The following TAF4 variants were observed in gnomAD, a reference collection of about 807,000 sequenced individuals.
TAF4 encodes TATA-box binding protein associated factor 4, also known as transcription initiation factor TFIID subunit 4.
In TAF4, 9 loss-of-function variants were observed where a neutral mutation model predicts 90.3. That is an observed-to-expected ratio of 0.10 (90% CI 0.06 to 0.17). The LOEUF is 0.17. Ranked by LOEUF, TAF4 falls within the 10% of genes least tolerant of loss-of-function variation. TAF4 has a pLI of 1.00. For missense variants in TAF4, 1,351 were observed against 1,370.7 expected (o/e 0.99, Z 0.23); for synonymous variants, 818 against 638.9 (o/e 1.28, Z -4.23).
intron 1 of TAF4, among the ~76,000 whole-genome samples, chr20:62,024,863 C>A (rs902491996): frequency 1.3e-4 from 19 of 151,462 alleles, no homozygotes; most frequent in African/African-American, 4.4e-4. Context: ...CTGAGAGACT[C>A]CGCGTCTCAA....
At chr20:62,009,913 A>G (rs1479660370) in intron 4 of TAF4, 133 bp downstream of exon 4, 3 of 1,431,712 alleles carry the variant, frequency 2.1e-6, no homozygotes, top group African/African-American at 1.4e-5. Flanking sequence ...TGGGCCCCAG[A>G]CTGTTCACTG....
chr20:61,976,539 C>T lies in TAF4; in HGVS notation c.3091-204G>A, dbSNP rs369480424. On this transcript the variant is annotated intron_variant, in intron 14 of 14. Coordinates refer to ENST00000252996, the MANE Select transcript of TAF4 (RefSeq NM_003185.4). ...CAAGGGCAGGAGGCCCCATGCTGCA[C>T]CTTCAGGACAGGGCACACTCAGATG... is the stretch of plus-strand genomic sequence containing the variant. Among the ~76,000 whole-genome samples the T allele has an allele frequency of 8.5e-5, 13 of 152,344 alleles. No individual in the cohort carries two copies. The East Asian group carries it at 1.7e-3, about 20-fold the overall frequency.
At chr20:62,049,294 G>C (rs1373843793) in intron 1 of TAF4, among the ~76,000 whole-genome samples, 1 of 152,166 alleles carries the variant, frequency 6.6e-6, no homozygotes, top group Non-Finnish European at 1.5e-5. Flanking sequence ...TGTCCAGGAA[G>C]TGGATCCCAA....
intron 14 of TAF4, among the ~76,000 whole-genome samples, chr20:61,986,349 C>T (rs1468489939): frequency 9.6e-6 from 1 of 103,964 alleles, no homozygotes; most frequent in Non-Finnish European, 2.1e-5. Flanking sequence ...GAAACACCAT[C>T]CCCAATCAAA....
intron 14 of TAF4, 96 bp downstream of exon 14, chr20:61,997,454 C>T (rs761909630): frequency 7.6e-7 from 1 of 1,319,226 alleles, no homozygotes; most frequent in Non-Finnish European, 9.8e-7. Flanking sequence ...GGTAAGAAAG[C>T]AAATTCCCCT....
At chr20:62,015,744 T>C (rs1215260438) in intron 1 of TAF4, among the ~76,000 whole-genome samples, 2 of 152,192 alleles carry the variant, frequency 1.3e-5, no homozygotes, top group Non-Finnish European at 2.9e-5. Context: ...AAACCTCCTG[T>C]TGGTCATGAT....
intron 14 of TAF4, among the ~76,000 whole-genome samples, chr20:61,990,258 G>A (rs573837638): frequency 3.3e-5 from 5 of 152,330 alleles, no homozygotes; most frequent in Admixed American, 6.5e-5. Context: ...AGCAGACAGC[G>A]TGATGCTCAT....
chr20:62,063,970 G>A (rs1035962880), intron 1 of TAF4, among the ~76,000 whole-genome samples: 2 of 152,250 alleles, frequency 1.3e-5, no homozygotes, highest in East Asian at 1.9e-4. Flanking sequence ...CCAAGGGGCA[G>A]AAAGGCTAAG....
At chr20:61,979,933 A>G (rs1340214377) in intron 14 of TAF4, among the ~76,000 whole-genome samples, 1 of 152,272 alleles carries the variant, frequency 6.6e-6, no homozygotes, top group Non-Finnish European at 1.5e-5. Flanking sequence ...GGCGCAAAAC[A>G]GAGCCTGGGA....
intron 1 of TAF4, among the ~76,000 whole-genome samples, chr20:62,063,052 G>A (rs2056098560): frequency 6.6e-6 from 1 of 152,118 alleles, no homozygotes; most frequent in Non-Finnish European, 1.5e-5. Context: ...GCAAAACCAA[G>A]CCTCTGGCAA....
In TAF4 at chr20:62,065,356, G is replaced by A; in HGVS notation, c.455C>T (p.Pro152Leu). Reference sequence around the variant, plus strand: ...GGGCTTGGCGGGGCCGGCGGGGGCGGGCTCGGGCCCCGCGGCGACGGCGGC... The same window carrying A: ...GGGCTTGGCGGGGCCGGCGGGGGCGAGCTCGGGCCCCGCGGCGACGGCGGC... ...AAAAVAAGPE[P>L]APAGPAKPAG... Residue 152 changes from proline (P) to leucine (L), a missense_variant, in exon 1 of 15, where the codon CCC becomes CTC. By Grantham distance (98) the Pro-to-Leu change is moderately conservative. Coordinates refer to ENST00000252996, the MANE Select transcript of TAF4 (RefSeq NM_003185.4). 1 of 970,868 alleles carries A rather than the reference G, an allele frequency of 1.0e-6. No individual in the cohort carries two copies. The allele number at this position is 970,868 out of a possible 1,614,324, so 60.1% of individuals were successfully genotyped here.
chr20:62,039,482 G>C (rs1285761512), intron 1 of TAF4, among the ~76,000 whole-genome samples: 2 of 152,164 alleles, frequency 1.3e-5, no homozygotes, highest in African/African-American at 2.4e-5. Context: ...AAGCATTCTA[G>C]AAAACTCCTG....
chr20:62,055,937 T>A (rs1287661364), intron 1 of TAF4, among the ~76,000 whole-genome samples: 1 of 152,104 alleles, frequency 6.6e-6, no homozygotes, highest in East Asian at 1.9e-4. Flanking sequence ...GTACACACCC[T>A]CGGAATGTGC....
At chr20:61,982,741 G>A (rs921968554) in intron 14 of TAF4, among the ~76,000 whole-genome samples, 1 of 138,370 alleles carries the variant, frequency 7.2e-6, no homozygotes, top group Admixed American at 7.6e-5. Context: ...AATGCACTGC[G>A]AGGGCCCAGT....
intron 14 of TAF4, among the ~76,000 whole-genome samples, chr20:61,991,011 C>T (rs2055628148): frequency 6.6e-6 from 1 of 152,058 alleles, no homozygotes. Context: ...GAAGAGCATC[C>T]CTACAGACCA....
rs1047477447 is a variant in TAF4 at position 61,976,008 on chromosome 20, G to T, written c.*160C>A. On this transcript the variant is annotated 3_prime_UTR_variant, in exon 15 of 15. Transcript: ENST00000252996. Reference sequence around the variant, plus strand: ...AGGCCTTTGTGTTCTCTCTGTTACAGAAACGTGTTTTCTTTCACACTGAAG... The same window carrying T: ...AGGCCTTTGTGTTCTCTCTGTTACATAAACGTGTTTTCTTTCACACTGAAG... The T allele has an allele frequency of 1.4e-6, 1 of 729,872 alleles. No individual in the cohort carries two copies. The highest frequency in any genetic ancestry group is 2.2e-6 in the Non-Finnish European group (1 of 449,582). The allele number at this position is 729,872 out of a possible 1,614,324, so 45.2% of individuals were successfully genotyped here. A position where few individuals can be genotyped will look rare whatever the true frequency, so the allele number is the denominator to read the frequency against.
chr20:62,030,488 G>C (rs1490746760), intron 1 of TAF4, among the ~76,000 whole-genome samples: 1 of 152,236 alleles, frequency 6.6e-6, no homozygotes, highest in Non-Finnish European at 1.5e-5. Context: ...CTGCCCAGCA[G>C]TGCCCATTTC....
At chr20:62,022,029 C>A (rs1424804652) in intron 1 of TAF4, among the ~76,000 whole-genome samples, 1 of 151,988 alleles carries the variant, frequency 6.6e-6, no homozygotes. Context: ...GCCCTCCAGG[C>A]CCGCCAAGGT....
chr20:62,030,334 CAG>C lies in TAF4; in HGVS notation c.1361-15629_1361-15628del, dbSNP rs943445096. Reference sequence around the variant, plus strand: ...CACAAGCATCACAGACGTCACCACCCAGAGTCAGGACACCACAGCCTTTTCAT... The same window carrying C: ...CACAAGCATCACAGACGTCACCACCCAGTCAGGACACCACAGCCTTTTCAT... On this transcript the variant is annotated intron_variant, in intron 1 of 14. Coordinates refer to ENST00000252996, the MANE Select transcript of TAF4 (RefSeq NM_003185.4). Among the ~76,000 whole-genome samples the C allele has an allele frequency of 9.2e-5, 14 of 152,368 alleles. No individual in the cohort carries two copies. The East Asian group carries it at 2.1e-3, about 23-fold the overall frequency.
Sources: gnomAD v4.1 joint callset for allele counts (sites outside exome capture counted in the v4.1 genomes callset) on GRCh38, gnomAD v4.1.1 for gene constraint, MANE v1.5 for transcripts, NCBI Gene and HGNC (gene_info 2026-07-23, HGNC 2026-07-21) for gene names.